The following DNAJC21 variants were observed in gnomAD, a reference collection of about 807,000 sequenced individuals.
DNAJC21 encodes the protein dnaJ homolog subfamily C member 21.
Under a neutral mutation model 72.4 loss-of-function variants are expected in DNAJC21, and 63 were observed. The observed-to-expected ratio is 0.87, with a 90% CI of 0.71 to 1.07. The LOEUF (loss-of-function observed/expected upper bound fraction) is 1.07, where lower values mean the gene tolerates loss of function less well. DNAJC21 is among the 50% of genes least tolerant of loss of function. The pLI, the probability that DNAJC21 is intolerant of heterozygous loss-of-function variation, is 0.00. For synonymous variants in DNAJC21, 203 were observed against 216.7 expected (o/e 0.94, Z 0.56); for missense variants, 634 against 644.8 (o/e 0.98, Z 0.18).
chr5:34,949,513 T>C, intron 9 of DNAJC21: 1 of 1,551,756 alleles, frequency 6.4e-7, no homozygotes, highest in Non-Finnish European at 8.7e-7. Context: ...TGAGTGTGAG[T>C]ATTGTGCCAG....
intron 1 of DNAJC21, among the ~76,000 whole-genome samples, chr5:34,932,456 T>C (rs1764630924): frequency 6.6e-6 from 1 of 150,480 alleles, no homozygotes; most frequent in Admixed American, 6.6e-5. Context: ...GTGTTCTCCA[T>C]AGTCAATTCA....
At chr5:34,930,179 A>G in intron 1 of DNAJC21, 1 of 269,696 alleles carries the variant, frequency 3.7e-6, no homozygotes, top group Non-Finnish European at 7.1e-6. Context: ...GGAAAACTGC[A>G]GTCCAACAAC....
chr5:34,929,971 G>T, intron 1 of DNAJC21, 55 bp downstream of exon 1: 3 of 1,406,588 alleles, frequency 2.1e-6, no homozygotes, highest in South Asian at 1.3e-5. Flanking sequence ...GGCCCTCCCC[G>T]ACCTTCCCTT....
rs751913012 is a variant in DNAJC21, at chr5:34,937,314, C to G, written c.439-12C>G. ...TAAAGCGCAGAAGTTAATCTGTTTT[C>G]TTTGTCACTAGGTAGTCCATCCTTT... On this transcript the variant is annotated splice_polypyrimidine_tract_variant and intron_variant, in intron 4 of 11. Coordinates refer to ENST00000648817, the MANE Select transcript of DNAJC21 (RefSeq NM_001012339.3). 1.3e-6 allele frequency: 2 copies of G among 1,577,376 alleles called. No homozygotes were observed. The highest frequency in any genetic ancestry group is 4.5e-5 in the East Asian group (2 of 44,530).
Position 34,935,780 on chromosome 5 carries a change from T to A in DNAJC21, c.262T>A (p.Leu88Met). Reference protein sequence around the residue: ...DGEYQDDSLDLLRYFTVTCYS... With the variant: ...DGEYQDDSLDMLRYFTVTCYS... ...CGAATATCAAGATGACAGCTTAGAT[T>A]TGCTACGCTATTTCACCGTTACCTG... The change falls in exon 3 of 12, where the codon TTG becomes ATG. Residue 88 changes from leucine to methionine, a missense_variant. Leu to Met is a conservative substitution (Grantham distance 15, BLOSUM62 2). Transcript: ENST00000648817. The A allele has an allele frequency of 6.2e-7, 1 of 1,614,038 alleles. No homozygotes were observed.
Position 34,951,881 on chromosome 5 carries a change from G to C in DNAJC21, c.1358+1539G>C, listed in dbSNP as rs1026978084. 11 of 985,190 alleles carry C rather than the reference G, an allele frequency of 1.1e-5. No homozygotes were observed. In the East Asian group the frequency reaches 5.7e-4, roughly 51 times the overall value. 61.0% of individuals were successfully genotyped at this position (985,190 alleles called of 1,614,324 possible). On this transcript the variant is annotated intron_variant, in intron 10 of 11. Transcript: ENST00000648817. ...GGAGGAAGAAGGGTTCTCAGGCTTG[G>C]GCAACCACTGATATAGTTCAGCTCT... is the stretch of plus-strand genomic sequence containing the variant.
intron 7 of DNAJC21, among the ~76,000 whole-genome samples, chr5:34,943,880 T>C (rs1214651951): frequency 6.6e-6 from 1 of 152,244 alleles, no homozygotes; most frequent in Admixed American, 6.5e-5. Context: ...TTTCCAGAAT[T>C]GGTTAGTGAG....
At chr5:34,942,984 C>G (rs1230991756) in intron 7 of DNAJC21, among the ~76,000 whole-genome samples, 1 of 152,086 alleles carries the variant, frequency 6.6e-6, no homozygotes, top group African/African-American at 2.4e-5. Flanking sequence ...AGGAGAATCG[C>G]TTGAACTCAG....
rs762077478 is a variant in DNAJC21, at chr5:34,937,643, C to T, written c.743+13C>T. ...TAAAGCAGGCCAAGTGCGTAGCGTG[C>T]GTGGGGCCCTCTTCTCAGTATCGGT... On this transcript the variant is annotated intron_variant, in intron 5 of 11. Transcript: ENST00000648817. 11 of 1,599,178 alleles carry T rather than the reference C, an allele frequency of 6.9e-6. No homozygotes were observed. Among genetic ancestry groups the T allele is most frequent in the South Asian group, 1.1e-5 (1 of 89,140 alleles).
At position 34,950,245 on chromosome 5, in the gene DNAJC21, C is replaced by T; in HGVS notation, c.1261C>T (p.Gln421Ter). The T allele has an allele frequency of 6.2e-7, 1 of 1,613,696 alleles. No homozygotes were observed. The highest frequency in any genetic ancestry group is 8.5e-7 in the Non-Finnish European group (1 of 1,179,854). The part of the protein sequence containing the change: ...KVDPEDTNLN[Q>*]DSAKELEDSP... ...TGATCCAGAAGATACTAACTTAAAT[C>T]AAGACAGTGCCAAAGAATTGGAAGA... Residue 421 changes from glutamine to a stop codon, truncating the protein, a stop_gained, in exon 10 of 12, where the codon CAA becomes TAA. Transcript: ENST00000648817. LOFTEE classifies it high-confidence loss of function.
rs868048678 is a variant in DNAJC21, at chr5:34,932,430, A to C, written c.98-1385A>C. Among the ~76,000 whole-genome samples the C allele has an allele frequency of 5.1e-4, 78 of 152,224 alleles. 1 individual carries two copies. In the Middle Eastern group the frequency reaches 0.014, roughly 27 times the overall value. On this transcript the variant is annotated intron_variant, in intron 1 of 11. Transcript: ENST00000648817. ...GCGAGACTCCATCTCAAAAAAAAAA[A>C]AAAAAACGAACTTTAGTGTTCTCCA... is the stretch of plus-strand genomic sequence containing the variant.
intron 10 of DNAJC21, chr5:34,950,671 A>C: frequency 9.9e-7 from 1 of 1,005,202 alleles, no homozygotes; most frequent in East Asian, 1.0e-4. Flanking sequence ...TGAGAACAAG[A>C]CTCCTGCTGC....
rs1765595555 is a variant in DNAJC21, at chr5:34,958,407, A to G, written c.*3693A>G. On this transcript the variant is annotated 3_prime_UTR_variant, in exon 12 of 12. Coordinates refer to ENST00000648817, the MANE Select transcript of DNAJC21 (RefSeq NM_001012339.3). ...GGGAAAACAATATGTACTACCTTAT[A>G]CCCTTCCCCAAAAACAAAGGGATTA... is the stretch of plus-strand genomic sequence containing the variant. 5 of 152,158 alleles carry G rather than the reference A, an allele frequency of 3.3e-5. No individual in the cohort carries two copies. Among genetic ancestry groups the G allele is most frequent in the Admixed American group, 3.3e-4 (5 of 15,276 alleles). The allele number at this position is 152,158 out of a possible 1,614,324, so 9.4% of individuals were successfully genotyped here.
chr5:34,931,606 A>ATCTTG lies in DNAJC21; in HGVS notation c.97+1690_97+1691insTCTTG, dbSNP rs1335221210. On this transcript the variant is annotated intron_variant, in intron 1 of 11. Coordinates refer to ENST00000648817, the MANE Select transcript of DNAJC21 (RefSeq NM_001012339.3). Reference sequence around the variant, plus strand: ...TCAGATTGTATTTCTTGTAATCTTGAATATTAGCCCAAGGACTGTGAAATT... The same window carrying ATCTTG: ...TCAGATTGTATTTCTTGTAATCTTGATCTTGATATTAGCCCAAGGACTGTGAAATT... 8.0e-3 allele frequency among the ~76,000 whole-genome samples: 1,220 copies of ATCTTG among 152,294 alleles called. 12 individuals carry two copies. Among genetic ancestry groups the ATCTTG allele is most frequent in the African/African-American group, 0.028 (1,180 of 41,558 alleles).
chr5:34,945,703 TTC>T, intron 8 of DNAJC21, 56 bp from the exon 9 acceptor site: 1 of 1,484,818 alleles, frequency 6.7e-7, no homozygotes. Flanking sequence ...TTTTTTTTTT[TTC>T]CACTTACTCT....
intron 10 of DNAJC21, chr5:34,952,062 CTG>C (rs1765386150): frequency 1.0e-6 from 1 of 985,322 alleles, no homozygotes; most frequent in Admixed American, 6.2e-5. Flanking sequence ...GGCAGCTCCT[CTG>C]TTGCTTCTCT....
chr5:34,949,731 G>T, intron 9 of DNAJC21: 1 of 1,606,736 alleles, frequency 6.2e-7, no homozygotes. Flanking sequence ...CCTGTTTGTT[G>T]TTGCCATTGT....
intron 9 of DNAJC21, among the ~76,000 whole-genome samples, chr5:34,946,336 T>G (rs1452354950): frequency 6.6e-6 from 1 of 152,160 alleles, no homozygotes; most frequent in Non-Finnish European, 1.5e-5. Context: ...TAAGGACTAT[T>G]TTTAAATAAA....
At chr5:34,945,551 A>G (rs1057244179) in intron 8 of DNAJC21, among the ~76,000 whole-genome samples, 2 of 152,230 alleles carry the variant, frequency 1.3e-5, no homozygotes, top group Admixed American at 6.5e-5. Context: ...TTGATAAGCT[A>G]ATTACTATCC....
Sources: gnomAD v4.1 joint callset for allele counts (sites outside exome capture counted in the v4.1 genomes callset) on GRCh38, gnomAD v4.1.1 for gene constraint, MANE v1.5 for transcripts, NCBI Gene and HGNC (gene_info 2026-07-23, HGNC 2026-07-21) for gene names.